Variants in IL16 observed in about 807,000 individuals in gnomAD.
IL16 encodes the protein interleukin 16.
IL16 carries 67 observed loss-of-function variants against 110.1 expected under a neutral mutation model. The ratio of observed to expected loss-of-function variants is 0.61; its 90% CI spans 0.50 to 0.75. The LOEUF (loss-of-function observed/expected upper bound fraction) is 0.75. Ranked by LOEUF, IL16 falls within the 30% of genes least tolerant of loss-of-function variation. The pLI, the probability that IL16 is intolerant of heterozygous loss-of-function variation, is 0.00. For missense variants in IL16, 1,545 were observed against 1,655.0 expected, an observed-to-expected ratio of 0.93 and a Z score of 1.15; for synonymous variants, 689 against 662.9, an observed-to-expected ratio of 1.04 and a Z score of -0.61.
upstream of IL16, among the ~76,000 whole-genome samples, chr15:81,194,616 G>T (rs2141929817): frequency 6.6e-6 from 1 of 152,088 alleles, no homozygotes; most frequent in South Asian, 2.1e-4. Context: ...AGGAGAATTA[G>T]AAGGAAATAC....
At chr15:81,196,825 G>A, upstream of IL16, 1 of 1,116,198 alleles carries the variant, frequency 9.0e-7, no homozygotes, top group Non-Finnish European at 1.1e-6. Flanking sequence ...TTCACGTGGA[G>A]CAGTCAGATG....
At chr15:81,216,423 C>T (rs960355651) in intron 1 of IL16, among the ~76,000 whole-genome samples, 1 of 152,162 alleles carries the variant, frequency 6.6e-6, no homozygotes, top group African/African-American at 2.4e-5. Flanking sequence ...GCAGGGTTCC[C>T]AGCTTCTTCC....
chr15:81,254,439 G>A (rs1897876659), intron 2 of IL16, among the ~76,000 whole-genome samples: 4 of 152,110 alleles, frequency 2.6e-5, no homozygotes, highest in Admixed American at 2.0e-4. Flanking sequence ...GGAGTTGACT[G>A]TTTAGCCCTA....
Position 81,296,981 on chromosome 15 carries a change from A to G in IL16, c.1956A>G (p.Arg652=). ...TACCACAGGAAGACACAGCAGGGAG[A>G]AGCCCTAGTGCCTCTGCCGGCTGCC... ...LLLPQEDTAG[R]SPSASAGCPG... Residue 652 remains arginine, a synonymous_variant, in exon 13 of 19, where the codon AGA becomes AGG. Transcript: ENST00000683961. 6.2e-7 allele frequency: 1 copy of G among 1,613,664 alleles called. No individual in the cohort carries two copies. Among genetic ancestry groups the G allele is most frequent in the Non-Finnish European group, 8.5e-7 (1 of 1,179,852 alleles).
intron 10 of IL16, among the ~76,000 whole-genome samples, chr15:81,289,430 C>A (rs1899605441): frequency 1.3e-5 from 2 of 152,162 alleles, no homozygotes; most frequent in Admixed American, 1.3e-4. Flanking sequence ...CTACCATGCC[C>A]AGCCTCTTTT....
intron 1 of IL16, among the ~76,000 whole-genome samples, chr15:81,184,555 C>T (rs115374742): frequency 2.5e-3 from 388 of 152,238 alleles, no homozygotes; most frequent in African/African-American, 8.5e-3. Flanking sequence ...GGCAGTTTCC[C>T]GAGAGGGACT....
intron 16 of IL16, among the ~76,000 whole-genome samples, chr15:81,304,270 C>T (rs1239338791): frequency 1.6e-5 from 2 of 121,344 alleles, no homozygotes; most frequent in African/African-American, 7.2e-5. Context: ...ATTTCTCTCA[C>T]TGAGTGCAGC....
chr15:81,279,023 G>A (rs1596025142), intron 7 of IL16, 133 bp downstream of exon 7: 1 of 685,786 alleles, frequency 1.5e-6, no homozygotes, highest in East Asian at 2.6e-5. Flanking sequence ...GCTGATCTTG[G>A]CGCAGGGTTA....
rs758899232 is a variant in IL16 at position 81,292,612 on chromosome 15, GAGA to G, written c.1482_1484del (p.Lys494del). On this transcript the variant is annotated inframe_deletion, in exon 12 of 19. Transcript: ENST00000683961. ...GCGGCCCACCTTGGAGAAGGAACGAGAGAAGAACTCAGCACCCCCGCATCGCAG... is the reference window on the plus strand; with the variant it reads ...GCGGCCCACCTTGGAGAAGGAACGAGAGAACTCAGCACCCCCGCATCGCAG... The G allele has an allele frequency of 1.1e-5, 18 of 1,608,238 alleles. No individual in the cohort carries two copies. Among genetic ancestry groups the G allele is most frequent in the Middle Eastern group, 1.7e-4 (1 of 6,044 alleles).
chr15:81,194,318 C>A (rs963824709), upstream of IL16, among the ~76,000 whole-genome samples: 1 of 152,110 alleles, frequency 6.6e-6, no homozygotes, highest in African/African-American at 2.4e-5. Flanking sequence ...CCTGTTGTGT[C>A]ATTTTAAGGA....
chr15:81,288,563 A>G (rs1899556379), intron 10 of IL16, among the ~76,000 whole-genome samples: 1 of 152,230 alleles, frequency 6.6e-6, no homozygotes. Context: ...ATCCGTCTCC[A>G]GAACTCTTTC....
chr15:81,270,403 G>A (rs1429091104), intron 5 of IL16, among the ~76,000 whole-genome samples: 1 of 152,158 alleles, frequency 6.6e-6, no homozygotes, highest in Non-Finnish European at 1.5e-5. Context: ...GGTGTGAGAG[G>A]AGGACCTAAT....
intron 3 of IL16, among the ~76,000 whole-genome samples, chr15:81,264,308 G>A (rs769844834): frequency 3.3e-5 from 5 of 152,056 alleles, no homozygotes; most frequent in Admixed American, 6.5e-5. Context: ...GTTCTTGCAG[G>A]GGCAGGTTTC....
chr15:81,262,023 G>A (rs1419007099), intron 3 of IL16, among the ~76,000 whole-genome samples: 2 of 152,188 alleles, frequency 1.3e-5, no homozygotes, highest in Non-Finnish European at 2.9e-5. Flanking sequence ...CCATGATTGT[G>A]CCACTGCACT....
intron 2 of IL16, among the ~76,000 whole-genome samples, chr15:81,254,218 T>C (rs1897867948): frequency 6.6e-6 from 1 of 152,194 alleles, no homozygotes; most frequent in African/African-American, 2.4e-5. Context: ...CTTCTGTCAG[T>C]AATGCCAGTG....
At chr15:81,270,739 T>C (rs1398355218) in intron 5 of IL16, among the ~76,000 whole-genome samples, 1 of 152,180 alleles carries the variant, frequency 6.6e-6, no homozygotes, top group Non-Finnish European at 1.5e-5. Context: ...CCAAAACTCA[T>C]GTGAAGATGA....
intron 1 of IL16, among the ~76,000 whole-genome samples, chr15:81,214,391 G>T (rs1896351383): frequency 6.6e-6 from 1 of 152,122 alleles, no homozygotes; most frequent in South Asian, 2.1e-4. Flanking sequence ...GTTTAGTTTG[G>T]CAGGATATGA....
chr15:81,290,546 A>T lies in IL16; in HGVS notation c.1420+6A>T. The T allele has an allele frequency of 6.3e-7, 1 of 1,585,716 alleles. No homozygotes were observed. The highest frequency in any genetic ancestry group is 8.7e-7 in the Non-Finnish European group (1 of 1,155,972). ...GCATCAGTGGAGTCTGGAAGGTAAG[A>T]CAAATGGTGAACTTTGATGTAAAAT... On this transcript the variant is annotated splice_donor_region_variant and intron_variant, in intron 11 of 18. Coordinates refer to ENST00000683961, the MANE Select transcript of IL16 (RefSeq NM_172217.5).
intron 2 of IL16, among the ~76,000 whole-genome samples, chr15:81,226,294 T>A (rs1896786330): frequency 6.6e-6 from 1 of 152,216 alleles, no homozygotes; most frequent in South Asian, 2.1e-4. Context: ...CCTGCCAGAA[T>A]TCAGAATGTT....
Sources: allele counts gnomAD v4.1 joint callset (sites outside exome capture counted in the v4.1 genomes callset), GRCh38; gene constraint gnomAD v4.1.1; transcripts MANE v1.5; gene names NCBI Gene and HGNC (gene_info 2026-07-23, HGNC 2026-07-21).